The following HNRNPC variants were observed in gnomAD, a reference collection of about 807,000 sequenced individuals.
HNRNPC encodes heterogeneous nuclear ribonucleoprotein C, also known as heterogeneous nuclear ribonucleoproteins C1/C2.
Under a neutral mutation model 33.2 loss-of-function variants are expected in HNRNPC, and 3 were observed. That is an observed-to-expected ratio of 0.09 (90% CI 0.04 to 0.23). The LOEUF (loss-of-function observed/expected upper bound fraction) is 0.23, where lower values mean the gene tolerates loss of function less well. Among genes scored for constraint, HNRNPC ranks in the 10% least tolerant of loss-of-function variants. The probability of loss-of-function intolerance (pLI) is 1.00; values close to 1 mark genes in which losing one functional copy is unlikely to be tolerated. For synonymous variants in HNRNPC, 121 were observed against 126.7 expected, an observed-to-expected ratio of 0.96 and a Z score of 0.30; for missense variants, 143 against 366.7, an observed-to-expected ratio of 0.39 and a Z score of 4.98.
chr14:21,213,961 A>G (rs1891886056), intron 5 of HNRNPC, among the ~76,000 whole-genome samples: 1 of 152,242 alleles, frequency 6.6e-6, no homozygotes, highest in Non-Finnish European at 1.5e-5. Context: ...TGATTGATAA[A>G]GATACACCAA....
In HNRNPC at chr14:21,211,105, G is replaced by A. The variant is rs549317790; in HGVS notation, c.*118C>T. ...TGAACATGGGAAGGACAAGGATGGG[G>A]AGAACAGTGAGCATGTGCTGAAGAT... On this transcript the variant is annotated 3_prime_UTR_variant, in exon 9 of 9. Coordinates refer to ENST00000553300, the MANE Select transcript of HNRNPC (RefSeq NM_004500.4). The A allele has an allele frequency of 3.3e-5, 37 of 1,113,578 alleles. No individual in the cohort carries two copies. The Admixed American group carries it at 6.9e-4, about 21-fold the overall frequency. 69.0% of individuals were successfully genotyped at this position (1,113,578 alleles called of 1,614,324 possible).
intron 2 of HNRNPC, among the ~76,000 whole-genome samples, chr14:21,243,376 T>A (rs1269329509): frequency 2.0e-5 from 3 of 152,182 alleles, no homozygotes; most frequent in African/African-American, 7.2e-5. Context: ...AGGACAAACA[T>A]GGCAGTTGCT....
At chr14:21,228,837 C>T (rs1893769005) in intron 5 of HNRNPC, among the ~76,000 whole-genome samples, 3 of 151,928 alleles carry the variant, frequency 2.0e-5, no homozygotes. Context: ...GTAATCCCAG[C>T]ACTTTGGGAG....
In HNRNPC at chr14:21,210,462, G is replaced by C. The variant is rs1365614023; in HGVS notation, c.*761C>G. Reference sequence around the variant, plus strand: ...TATGACTCCAAGAAAAATATATCTAGTGCATTCTAGAGGTTTTGTGGAGGA... The same window carrying C: ...TATGACTCCAAGAAAAATATATCTACTGCATTCTAGAGGTTTTGTGGAGGA... On this transcript the variant is annotated 3_prime_UTR_variant, in exon 9 of 9. Transcript: ENST00000553300. The C allele has an allele frequency of 6.6e-6, 1 of 152,436 alleles. No individual in the cohort carries two copies. The highest frequency in any genetic ancestry group is 1.5e-5 in the Non-Finnish European group (1 of 68,000). 9.4% of individuals were successfully genotyped at this position (152,436 alleles called of 1,614,324 possible).
intron 5 of HNRNPC, among the ~76,000 whole-genome samples, chr14:21,223,882 A>C (rs1253653641): frequency 6.6e-6 from 1 of 152,174 alleles, no homozygotes; most frequent in Non-Finnish European, 1.5e-5. Flanking sequence ...GATATAATTA[A>C]CAGTGGAGCT....
intron 5 of HNRNPC, among the ~76,000 whole-genome samples, chr14:21,222,986 G>A (rs1012228011): frequency 3.3e-5 from 5 of 152,038 alleles, no homozygotes; most frequent in Admixed American, 6.6e-5. Context: ...AGATCTCGAG[G>A]TCAGGTGTTC....
chr14:21,237,901 A>G (rs1694688834), intron 2 of HNRNPC, among the ~76,000 whole-genome samples: 1 of 152,164 alleles, frequency 6.6e-6, no homozygotes, highest in African/African-American at 2.4e-5. Flanking sequence ...CCTCCCCAGT[A>G]GCTGGGATTA....
chr14:21,250,741 A>C (rs190311861), intron 2 of HNRNPC, among the ~76,000 whole-genome samples: 9 of 152,338 alleles, frequency 5.9e-5, no homozygotes, highest in Admixed American at 5.2e-4. Flanking sequence ...CATTCTCCAC[A>C]AACATCAAAA....
intron 2 of HNRNPC, among the ~76,000 whole-genome samples, chr14:21,245,137 T>C (rs1895826836): frequency 6.7e-6 from 1 of 148,690 alleles, no homozygotes; most frequent in African/African-American, 2.5e-5. Flanking sequence ...TGAGTCTAAG[T>C]TCTAACACAA....
rs191344342 is a variant in HNRNPC, at chr14:21,228,617, C to T, written c.365+1702G>A. 3.7e-3 allele frequency among the ~76,000 whole-genome samples: 563 copies of T among 152,100 alleles called. 4 individuals carry two copies. The highest frequency in any genetic ancestry group is 5.0e-3 in the Non-Finnish European group (340 of 67,992). On this transcript the variant is annotated intron_variant, in intron 5 of 8. Transcript: ENST00000553300. ...CCATATTGCCCAGGCTGGTCTTGAA[C>T]TCCTGACCTCATGATCCACCTGCCT...
intron 1 of HNRNPC, among the ~76,000 whole-genome samples, chr14:21,268,878 T>A (rs1879463756): frequency 6.6e-6 from 1 of 152,070 alleles, no homozygotes; most frequent in Non-Finnish European, 1.5e-5. Flanking sequence ...TCGCGATACA[T>A]CTACTTGGTA....
At chr14:21,217,337 T>C (rs1279134600) in intron 5 of HNRNPC, among the ~76,000 whole-genome samples, 2 of 152,230 alleles carry the variant, frequency 1.3e-5, no homozygotes, top group Admixed American at 6.5e-5. Context: ...GCTGTCTTAG[T>C]CTAGCATCAG....
At chr14:21,246,952 C>G (rs1488232682) in intron 2 of HNRNPC, among the ~76,000 whole-genome samples, 1 of 152,176 alleles carries the variant, frequency 6.6e-6, no homozygotes, top group Admixed American at 6.5e-5. Context: ...TGTAAGAATA[C>G]AGTATATAAT....
At chr14:21,250,171 G>A (rs1399049613) in intron 2 of HNRNPC, among the ~76,000 whole-genome samples, 1 of 151,626 alleles carries the variant, frequency 6.6e-6, no homozygotes, top group East Asian at 1.9e-4. Context: ...GGGAATTGCT[G>A]TAACCTGGGA....
intron 5 of HNRNPC, among the ~76,000 whole-genome samples, chr14:21,214,021 A>G (rs1182921079): frequency 6.6e-6 from 1 of 152,362 alleles, no homozygotes; most frequent in East Asian, 1.9e-4. Flanking sequence ...TCAAAACAGA[A>G]CAAAATACTT....
intron 1 of HNRNPC, chr14:21,264,062 G>A (rs1382912236): frequency 6.6e-6 from 1 of 152,086 alleles, no homozygotes; most frequent in African/African-American, 2.4e-5. Context: ...TGCCCTTGAG[G>A]GTCTCAAAAA....
chr14:21,217,503 G>A (rs1478261062), intron 5 of HNRNPC, among the ~76,000 whole-genome samples: 1 of 152,066 alleles, frequency 6.6e-6, no homozygotes, highest in Non-Finnish European at 1.5e-5. Context: ...ATATAATTCT[G>A]GTAATTAAGG....
chr14:21,253,623 T>G (rs1225657135), intron 2 of HNRNPC, among the ~76,000 whole-genome samples: 2 of 152,164 alleles, frequency 1.3e-5, no homozygotes, highest in African/African-American at 4.8e-5. Context: ...CTTAAAAACT[T>G]AGCAAATCCT....
chr14:21,217,122 A>C (rs1892275218), intron 5 of HNRNPC, among the ~76,000 whole-genome samples: 1 of 152,234 alleles, frequency 6.6e-6, no homozygotes, highest in Admixed American at 6.5e-5. Context: ...GCTTTTAGTT[A>C]CAAAGAATGC....
Sources: gnomAD v4.1 joint callset for allele counts (sites outside exome capture counted in the v4.1 genomes callset) on GRCh38, gnomAD v4.1.1 for gene constraint, MANE v1.5 for transcripts, NCBI Gene and HGNC (gene_info 2026-07-23, HGNC 2026-07-21) for gene names.